KIF6: variants seen among roughly 807,000 people sequenced by gnomAD.
KIF6 encodes the protein kinesin-like protein KIF6.
A neutral mutation model predicts 112.7 loss-of-function variants in KIF6; 106 were observed. The ratio of observed to expected loss-of-function variants is 0.94; its 90% confidence interval spans 0.80 to 1.11. The LOEUF is 1.11. KIF6 is among the 50% of genes least tolerant of loss of function. KIF6 has a pLI of 0.00. For synonymous variants in KIF6, 339 were observed against 339.9 expected, an observed-to-expected ratio of 1.00 and a Z score of 0.03; for missense variants, 929 against 964.0, an observed-to-expected ratio of 0.96 and a Z score of 0.48.
intron 13 of KIF6, among the ~76,000 whole-genome samples, chr6:39,530,142 G>A (rs1216753191): frequency 6.6e-6 from 1 of 152,140 alleles, no homozygotes; most frequent in African/African-American, 2.4e-5. Flanking sequence ...ATGTACCCTG[G>A]TACCCTGGGC....
intron 13 of KIF6, among the ~76,000 whole-genome samples, chr6:39,527,233 T>G (rs1268909653): frequency 6.6e-6 from 1 of 152,176 alleles, no homozygotes; most frequent in Non-Finnish European, 1.5e-5. Context: ...AATTAGCATC[T>G]AAGTGCCAGA....
At chr6:39,389,309 T>G (rs1291168494) in intron 15 of KIF6, among the ~76,000 whole-genome samples, 5 of 152,226 alleles carry the variant, frequency 3.3e-5, no homozygotes, top group Non-Finnish European at 4.4e-5. Context: ...GCTGCTTGGC[T>G]GGCCTGGAGG....
chr6:39,485,726 A>C (rs1775073493), intron 13 of KIF6, among the ~76,000 whole-genome samples: 1 of 152,176 alleles, frequency 6.6e-6, no homozygotes, highest in East Asian at 1.9e-4. Flanking sequence ...AACAAACAGC[A>C]AGCCACTGAT....
chr6:39,418,630 G>A (rs959402514), intron 15 of KIF6, among the ~76,000 whole-genome samples: 1 of 151,964 alleles, frequency 6.6e-6, no homozygotes, highest in Non-Finnish European at 1.5e-5. Flanking sequence ...GAAATACAGG[G>A]GCATTTCTCT....
intron 3 of KIF6, among the ~76,000 whole-genome samples, chr6:39,653,969 T>G (rs1032224043): frequency 6.6e-6 from 1 of 152,180 alleles, no homozygotes; most frequent in African/African-American, 2.4e-5. Context: ...TCCTTTTAAA[T>G]AGTAGAAATT....
At chr6:39,360,660 C>T in intron 17 of KIF6, 130 bp from the exon 18 acceptor site, 1 of 1,024,508 alleles carries the variant, frequency 9.8e-7, no homozygotes, top group Non-Finnish European at 1.4e-6. Flanking sequence ...GGGACTGGGA[C>T]CCTATAGGAG....
In KIF6 at chr6:39,700,936, G is replaced by C. The variant is rs139314185; in HGVS notation, c.251+13756C>G. ...GCTGGTCTTGAACTCCTGACCTCAGGTGATCTGCCTGCCTCAGCCTCCCAA... is the reference window on the plus strand; with the variant it reads ...GCTGGTCTTGAACTCCTGACCTCAGCTGATCTGCCTGCCTCAGCCTCCCAA... On this transcript the variant is annotated intron_variant, in intron 3 of 22. Transcript: ENST00000287152. Among the ~76,000 whole-genome samples, 277 of 152,214 alleles carry C rather than the reference G, an allele frequency of 1.8e-3. 1 individual carries two copies. The highest frequency in any genetic ancestry group is 6.5e-3 in the African/African-American group (271 of 41,534).
At chr6:39,655,622 T>C (rs1485644368) in intron 3 of KIF6, among the ~76,000 whole-genome samples, 2 of 152,144 alleles carry the variant, frequency 1.3e-5, no homozygotes, top group Admixed American at 1.3e-4. Flanking sequence ...CTAACTTTGT[T>C]TTTGCTCAGT....
chr6:39,389,219 A>AAG (rs2150319804), intron 15 of KIF6, among the ~76,000 whole-genome samples: 1 of 152,296 alleles, frequency 6.6e-6, no homozygotes, highest in East Asian at 1.9e-4. Context: ...ATCAGTATTC[A>AAG]GTCTTCTGAA....
At chr6:39,364,128 T>G (rs1037067493) in intron 16 of KIF6, among the ~76,000 whole-genome samples, 2 of 151,396 alleles carry the variant, frequency 1.3e-5, no homozygotes, top group Non-Finnish European at 2.9e-5. Flanking sequence ...AGTCTCGCAC[T>G]GTCACCAGGC....
intron 10 of KIF6, among the ~76,000 whole-genome samples, chr6:39,551,342 A>G (rs1252094304): frequency 1.3e-5 from 2 of 152,222 alleles, no homozygotes; most frequent in Non-Finnish European, 2.9e-5. Flanking sequence ...GAGGCTGGGA[A>G]GAGTAGTGGG....
At chr6:39,564,707 G>A (rs1234198359) in intron 10 of KIF6, among the ~76,000 whole-genome samples, 1 of 152,182 alleles carries the variant, frequency 6.6e-6, no homozygotes, top group Non-Finnish European at 1.5e-5. Context: ...TAAGTTGGAT[G>A]TATACTGCGA....
chr6:39,391,394 T>C (rs1403929094), intron 15 of KIF6, among the ~76,000 whole-genome samples: 1 of 152,140 alleles, frequency 6.6e-6, no homozygotes, highest in Non-Finnish European at 1.5e-5. Context: ...GTGCACCAGA[T>C]GTTGCCTGGG....
At position 39,702,988 on chromosome 6, in the gene KIF6, G is replaced by A. The variant is rs990658662; in HGVS notation, c.251+11704C>T. ...GCACAGGAGAAAAAACTCAGGAGGT[G>A]AGCAGTAAAAGGGAAAGTTGCCTTT... On this transcript the variant is annotated intron_variant, in intron 3 of 22. Coordinates refer to ENST00000287152, the MANE Select transcript of KIF6 (RefSeq NM_145027.6). Among the ~76,000 whole-genome samples the A allele has an allele frequency of 5.3e-5, 8 of 151,544 alleles. No homozygotes were observed. The South Asian group carries it at 8.4e-4, about 16-fold the overall frequency.
chr6:39,339,336 G>T (rs1763197774), intron 22 of KIF6, among the ~76,000 whole-genome samples: 1 of 152,196 alleles, frequency 6.6e-6, no homozygotes, highest in South Asian at 2.1e-4. Flanking sequence ...ATGACAGACA[G>T]TGAGAGGGAG....
chr6:39,600,058 T>G (rs1782490411), intron 6 of KIF6, among the ~76,000 whole-genome samples: 1 of 152,194 alleles, frequency 6.6e-6, no homozygotes, highest in Admixed American at 6.6e-5. Flanking sequence ...TATGTGGAGC[T>G]TTTTAAGTGT....
At chr6:39,724,168 G>A (rs1790393958) in intron 1 of KIF6, among the ~76,000 whole-genome samples, 1 of 152,306 alleles carries the variant, frequency 6.6e-6, no homozygotes, top group Admixed American at 6.5e-5. Flanking sequence ...AGCATAAAAA[G>A]TGCTGGGCGC....
intron 7 of KIF6, among the ~76,000 whole-genome samples, chr6:39,593,620 G>GA (rs1782071255): frequency 6.6e-6 from 1 of 152,184 alleles, no homozygotes; most frequent in African/African-American, 2.4e-5. Flanking sequence ...GGGTGAAAAT[G>GA]AAACATCGGT....
At chr6:39,533,960 G>T (rs1435413887) in intron 13 of KIF6, among the ~76,000 whole-genome samples, 1 of 152,232 alleles carries the variant, frequency 6.6e-6, no homozygotes, top group East Asian at 1.9e-4. Context: ...AGGGTCTGGA[G>T]TGGACCTCTA....
Sources: gnomAD v4.1 joint callset for allele counts (sites outside exome capture counted in the v4.1 genomes callset) on GRCh38, gnomAD v4.1.1 for gene constraint, MANE v1.5 for transcripts, NCBI Gene and HGNC (gene_info 2026-07-23, HGNC 2026-07-21) for gene names.